The following NPR3 variants were observed in gnomAD, a reference collection of about 807,000 sequenced individuals.
The protein encoded by NPR3 is atrial natriuretic peptide receptor 3.
In NPR3, 34 loss-of-function variants were observed where a neutral mutation model predicts 54.5. That is an observed-to-expected ratio of 0.62 (90% CI 0.47 to 0.83). The LOEUF is 0.83. Among genes scored for constraint, NPR3 ranks in the 40% least tolerant of loss-of-function variants. NPR3 has a pLI of 0.00. For missense variants in NPR3, 674 were observed against 720.8 expected, an observed-to-expected ratio of 0.94 and a Z score of 0.74; for synonymous variants, 289 against 297.1, an observed-to-expected ratio of 0.97 and a Z score of 0.28.
intron 1 of NPR3, among the ~76,000 whole-genome samples, chr5:32,701,010 C>A (rs1476479872): frequency 3.3e-5 from 5 of 152,202 alleles, no homozygotes; most frequent in Non-Finnish European, 5.9e-5. Flanking sequence ...TACACTTCCA[C>A]CAACAGTGTA....
chr5:32,764,195 T>C (rs1414280717), intron 3 of NPR3, among the ~76,000 whole-genome samples: 1 of 152,164 alleles, frequency 6.6e-6, no homozygotes, highest in South Asian at 2.1e-4. Context: ...GGATTTACCA[T>C]GGACAGCAGA....
intron 2 of NPR3, among the ~76,000 whole-genome samples, chr5:32,736,002 AG>A (rs1336264273): frequency 6.6e-6 from 1 of 152,152 alleles, no homozygotes; most frequent in African/African-American, 2.4e-5. Flanking sequence ...AGGCCGAGGC[AG>A]GTGGATCACT....
At chr5:32,700,413 A>G (rs1740637609) in intron 1 of NPR3, among the ~76,000 whole-genome samples, 2 of 151,332 alleles carry the variant, frequency 1.3e-5, no homozygotes, top group South Asian at 4.2e-4. Flanking sequence ...TTTTTTCATT[A>G]TACTTTGAGT....
At chr5:32,735,416 CTCT>C (rs1306054653) in intron 2 of NPR3, among the ~76,000 whole-genome samples, 1 of 148,918 alleles carries the variant, frequency 6.7e-6, no homozygotes, top group Non-Finnish European at 1.5e-5. Flanking sequence ...AGGGCTCTAT[CTCT>C]TTTTTTTATA....
In NPR3 at chr5:32,782,128, G is replaced by A. The variant is rs1742367120; in HGVS notation, c.1291-765G>A. On this transcript the variant is annotated intron_variant, in intron 5 of 7. Coordinates refer to ENST00000265074, the MANE Select transcript of NPR3 (RefSeq NM_001204375.2). ...TAATGATTTTCCAGGGGCCAGAGGAGCCAATTAAGAGAAACAGAATTCTGC... is the reference window on the plus strand; with the variant it reads ...TAATGATTTTCCAGGGGCCAGAGGAACCAATTAAGAGAAACAGAATTCTGC... Among the ~76,000 whole-genome samples the A allele has an allele frequency of 3.9e-5, 6 of 152,168 alleles. No homozygotes were observed. The South Asian group carries it at 1.2e-3, about 32-fold the overall frequency.
chr5:32,777,630 A>G (rs1478276436), intron 4 of NPR3, among the ~76,000 whole-genome samples: 1 of 152,154 alleles, frequency 6.6e-6, no homozygotes, highest in Non-Finnish European at 1.5e-5. Flanking sequence ...GCAGGACAGG[A>G]CAGTAGGGAG....
At chr5:32,692,184 C>G (rs528727667) in intron 1 of NPR3, among the ~76,000 whole-genome samples, 1 of 152,168 alleles carries the variant, frequency 6.6e-6, no homozygotes, top group Non-Finnish European at 1.5e-5. Context: ...AAAAAGAACT[C>G]GAAGTGATTC....
chr5:32,757,159 A>T (rs1459684154), intron 3 of NPR3, among the ~76,000 whole-genome samples: 1 of 152,194 alleles, frequency 6.6e-6, no homozygotes, highest in Non-Finnish European at 1.5e-5. Flanking sequence ...TGGTAGCTTG[A>T]TGGGGAAGGC....
chr5:32,767,456 A>G (rs899651259), intron 3 of NPR3, among the ~76,000 whole-genome samples: 1 of 152,238 alleles, frequency 6.6e-6, no homozygotes, highest in Non-Finnish European at 1.5e-5. Flanking sequence ...GTGTTCAATA[A>G]AAGTTGGCTA....
intron 1 of NPR3, among the ~76,000 whole-genome samples, chr5:32,719,185 G>T (rs1487995074): frequency 1.3e-5 from 2 of 152,160 alleles, no homozygotes; most frequent in African/African-American, 4.8e-5. Context: ...AACCTGCCTT[G>T]CATCCCAGTT....
At chr5:32,765,991 C>A (rs1173733) in intron 3 of NPR3, among the ~76,000 whole-genome samples, 5 of 152,018 alleles carry the variant, frequency 3.3e-5, no homozygotes, top group Middle Eastern at 3.4e-3. Flanking sequence ...GTAGGGGTTG[C>A]GGGGGGAACT....
intron 1 of NPR3, among the ~76,000 whole-genome samples, chr5:32,719,327 C>T (rs1162953024): frequency 1.3e-5 from 2 of 152,132 alleles, no homozygotes; most frequent in African/African-American, 4.8e-5. Context: ...TGTTGGACCA[C>T]ATCCTCCAAG....
intron 3 of NPR3, among the ~76,000 whole-genome samples, chr5:32,739,806 G>A (rs949660479): frequency 3.3e-5 from 5 of 152,172 alleles, no homozygotes; most frequent in Non-Finnish European, 7.4e-5. Context: ...GGCACCTTGG[G>A]CTAGTTGAGT....
intron 1 of NPR3, among the ~76,000 whole-genome samples, chr5:32,700,546 A>T (rs184102808): frequency 6.8e-5 from 10 of 147,782 alleles, no homozygotes; most frequent in Admixed American, 6.8e-4. Flanking sequence ...TCCCTTCCCC[A>T]GCCCCCCACC....
chr5:32,730,436 T>G (rs1739392280), intron 2 of NPR3, among the ~76,000 whole-genome samples: 2 of 152,208 alleles, frequency 1.3e-5, no homozygotes, highest in South Asian at 4.1e-4. Context: ...ATGTTCACTT[T>G]CATTACTCAT....
intron 2 of NPR3, among the ~76,000 whole-genome samples, chr5:32,736,638 C>T (rs891679946): frequency 6.6e-6 from 1 of 152,222 alleles, no homozygotes; most frequent in Non-Finnish European, 1.5e-5. Flanking sequence ...TGGGGTCTTC[C>T]TGGCAATGGA....
intron 1 of NPR3, among the ~76,000 whole-genome samples, chr5:32,693,120 C>CAA (rs138049716): frequency 7.2e-6 from 1 of 139,440 alleles, no homozygotes; most frequent in African/African-American, 2.7e-5. Flanking sequence ...GACCCTGTCT[C>CAA]AAAAAAAAAA....
chr5:32,782,804 T>C (rs1579710937), intron 5 of NPR3, 89 bp from the exon 6 acceptor site: 1 of 1,285,756 alleles, frequency 7.8e-7, no homozygotes, highest in East Asian at 2.4e-5. Context: ...GATCAGGCTG[T>C]ACATTTTGGG....
At chr5:32,767,608 C>T (rs1345910052) in intron 3 of NPR3, among the ~76,000 whole-genome samples, 1 of 152,176 alleles carries the variant, frequency 6.6e-6, no homozygotes, top group East Asian at 1.9e-4. Context: ...TGGAATACAG[C>T]TTGGGAAACT....
Sources: allele counts gnomAD v4.1 joint callset (sites outside exome capture counted in the v4.1 genomes callset), GRCh38; gene constraint gnomAD v4.1.1; transcripts MANE v1.5; gene names NCBI Gene and HGNC (gene_info 2026-07-23, HGNC 2026-07-21).